The following ERCC6 variants were observed in gnomAD, a reference collection of about 807,000 sequenced individuals.
ERCC6 encodes the protein ERCC excision repair 6, chromatin remodeling factor, also known as DNA excision repair protein ERCC-6.
ERCC6 carries 116 observed loss-of-function variants against 158.7 expected under a neutral mutation model. The observed-to-expected ratio is 0.73, with a 90% CI of 0.63 to 0.85. The LOEUF (loss-of-function observed/expected upper bound fraction) is 0.85. Ranked by LOEUF, ERCC6 falls within the 40% of genes least tolerant of loss-of-function variation. ERCC6 has a pLI of 0.00. For missense variants in ERCC6, 1,698 were observed against 1,799.4 expected, an observed-to-expected ratio of 0.94 and a Z score of 1.02; for synonymous variants, 678 against 659.3, an observed-to-expected ratio of 1.03 and a Z score of -0.43.
intron 6 of ERCC6, chr10:49,503,126 C>T (rs1218535639): frequency 6.6e-6 from 1 of 152,128 alleles, no homozygotes; most frequent in Non-Finnish European, 1.5e-5. Context: ...TACATGGGTC[C>T]AACAACTCTT....
the ERCC6 span, among the ~76,000 whole-genome samples, chr10:49,443,424 C>G: frequency 6.6e-6 from 1 of 152,058 alleles, no homozygotes; most frequent in African/African-American, 2.4e-5. Context: ...AATGGTGGTC[C>G]CAAAAGACTA....
At chr10:49,482,605 T>A in intron 10 of ERCC6, 82 bp downstream of exon 10, 1 of 1,231,912 alleles carries the variant, frequency 8.1e-7, no homozygotes. Flanking sequence ...ACATTCTGAA[T>A]GACTTGGCTA....
chr10:49,524,890 A>G (rs1837275577), intron 4 of ERCC6, 113 bp from the exon 5 acceptor site: 1 of 1,538,806 alleles, frequency 6.5e-7, no homozygotes, highest in Admixed American at 2.0e-5. Flanking sequence ...TCATATAAAA[A>G]AAGAATCATC....
At chr10:49,441,918 T>A in the ERCC6 span, among the ~76,000 whole-genome samples, 2 of 152,186 alleles carry the variant, frequency 1.3e-5, no homozygotes, top group Non-Finnish European at 2.9e-5. Flanking sequence ...GCTTTACCAC[T>A]GAAAGCAAAA....
intron 1 of ERCC6, 82 bp from the exon 2 acceptor site, chr10:49,533,060 G>A (rs1177311172): frequency 1.4e-6 from 2 of 1,467,942 alleles, no homozygotes; most frequent in Non-Finnish European, 1.8e-6. Context: ...AGAGCAGACT[G>A]ATTTCTCAAA....
At chr10:49,499,044 T>A (rs1179157165) in intron 7 of ERCC6, among the ~76,000 whole-genome samples, 1 of 152,162 alleles carries the variant, frequency 6.6e-6, no homozygotes, top group Non-Finnish European at 1.5e-5. Context: ...AGAAAAAGCA[T>A]ATTAAAAAAA....
Position 49,458,804 on chromosome 10 carries a change from A to C in ERCC6, c.*11T>G. The C allele has an allele frequency of 6.2e-7, 1 of 1,613,972 alleles. No individual in the cohort carries two copies. ...GAAAAAGGGACTTGAAAGTTTAGGA[A>C]GCAATGTTGTTTAGCAGTATTCTGG... On this transcript the variant is annotated 3_prime_UTR_variant, in exon 21 of 21. Coordinates refer to ENST00000355832, the MANE Select transcript of ERCC6 (RefSeq NM_000124.4).
chr10:49,488,202 G>T (rs778868208), intron 8 of ERCC6: 2 of 215,492 alleles, frequency 9.3e-6, no homozygotes, highest in South Asian at 1.8e-4. Flanking sequence ...TGAAAGGGCT[G>T]CTGTTATTAT....
At chr10:49,523,219 T>G (rs1179281933) in intron 5 of ERCC6, among the ~76,000 whole-genome samples, 2 of 152,204 alleles carry the variant, frequency 1.3e-5, no homozygotes, top group Non-Finnish European at 2.9e-5. Flanking sequence ...TAGAGCTAAG[T>G]GAGCTCTAAG....
the ERCC6 span, among the ~76,000 whole-genome samples, chr10:49,435,449 A>G: frequency 1.3e-5 from 2 of 152,206 alleles, no homozygotes; most frequent in African/African-American, 4.8e-5. Context: ...AGAAACACCA[A>G]AATAGCCAAT....
intron 3 of ERCC6, 131 bp from the exon 4 acceptor site, chr10:49,528,656 C>G: frequency 8.5e-7 from 1 of 1,171,588 alleles, no homozygotes. Context: ...CATAAAAATT[C>G]CATACATTAC....
At chr10:49,487,896 C>T (rs560384735) in intron 8 of ERCC6, among the ~76,000 whole-genome samples, 66 of 152,108 alleles carry the variant, frequency 4.3e-4, no homozygotes, top group African/African-American at 1.6e-3. Context: ...TCAAAATGTC[C>T]CAGTTGAAAA....
intron 10 of ERCC6, among the ~76,000 whole-genome samples, chr10:49,482,331 C>T (rs1850993892): frequency 6.6e-6 from 1 of 152,180 alleles, no homozygotes; most frequent in African/African-American, 2.4e-5. Flanking sequence ...AAATTACATG[C>T]TGTTCCAAAC....
At chr10:49,488,419 T>C (rs916955350) in intron 8 of ERCC6, 2 of 152,146 alleles carry the variant, frequency 1.3e-5, no homozygotes, top group African/African-American at 4.8e-5. Context: ...AAATCTTTAA[T>C]AAACAAGGAT....
intron 12 of ERCC6, 70 bp from the exon 13 acceptor site, chr10:49,474,312 C>T: frequency 1.6e-6 from 2 of 1,214,252 alleles, no homozygotes; most frequent in South Asian, 1.2e-5. Context: ...GGCAAGGAGG[C>T]TGTTTAACCT....
At chr10:49,472,775 T>G in intron 15 of ERCC6, 134 bp downstream of exon 15, 10 of 1,103,518 alleles carry the variant, frequency 9.1e-6, no homozygotes, top group Non-Finnish European at 1.3e-5. Context: ...TTCTTTCACG[T>G]TGAAGAACAG....
At chr10:49,499,893 A>G (rs4253120) in intron 7 of ERCC6, among the ~76,000 whole-genome samples, 134,934 of 152,216 alleles carry the variant, frequency 0.89, 59,855 homozygotes, top group East Asian at 1. Context: ...TTAGGTAGTC[A>G]CTTACGTTTT....
the ERCC6 span, among the ~76,000 whole-genome samples, chr10:49,442,055 C>G: frequency 6.6e-6 from 1 of 152,144 alleles, no homozygotes; most frequent in Admixed American, 6.5e-5. Context: ...AAACAAGACC[C>G]GCGCCCCCGG....
At chr10:49,463,092 T>C (rs1850612611) in intron 18 of ERCC6, among the ~76,000 whole-genome samples, 1 of 152,236 alleles carries the variant, frequency 6.6e-6, no homozygotes. Context: ...GGACCAGAAG[T>C]GCTTCAGATT....
Sources: allele counts gnomAD v4.1 joint callset (sites outside exome capture counted in the v4.1 genomes callset), GRCh38; gene constraint gnomAD v4.1.1; transcripts MANE v1.5; gene names NCBI Gene and HGNC (gene_info 2026-07-23, HGNC 2026-07-21).